LPCAT3: variants seen among roughly 807,000 people sequenced by gnomAD.
LPCAT3 encodes the protein lysophospholipid acyltransferase 5.
A neutral mutation model predicts 63.4 loss-of-function variants in LPCAT3; 21 were observed. The ratio of observed to expected loss-of-function variants is 0.33; its 90% CI spans 0.23 to 0.48. The LOEUF (loss-of-function observed/expected upper bound fraction) is 0.48. LPCAT3 is among the 20% of genes least tolerant of loss of function. The pLI, the probability that LPCAT3 is intolerant of heterozygous loss-of-function variation, is 0.99. For synonymous variants in LPCAT3, 242 were observed against 227.5 expected, an observed-to-expected ratio of 1.06 and a Z score of -0.58; for missense variants, 451 against 590.6, an observed-to-expected ratio of 0.76 and a Z score of 2.45.
At position 6,979,542 on chromosome 12, in the gene LPCAT3, A is replaced by C. The variant is rs1946447748; in HGVS notation, c.715T>G (p.Phe239Val). The C allele has an allele frequency of 6.2e-7, 1 of 1,613,982 alleles. No homozygotes were observed. Among genetic ancestry groups the C allele is most frequent in the South Asian group, 1.1e-5 (1 of 91,086 alleles). The part of the protein sequence containing the change: ...PALKRLSLGL[F>V]YLVGYTLLSP... ...AGCAGTGTGTAGCCCACTAGGTAGA[A>C]AAGGCCCAGACTCAGGCGCTTGAGA... Residue 239 changes from phenylalanine (F) to valine (V), a missense_variant, in exon 7 of 13, where the codon TTC becomes GTC. Transcript: ENST00000261407.
At chr12:6,990,755 A>G (rs1946581432) in intron 1 of LPCAT3, among the ~76,000 whole-genome samples, 2 of 150,778 alleles carry the variant, frequency 1.3e-5, no homozygotes, top group Admixed American at 6.6e-5. Flanking sequence ...AAACCCTACT[A>G]AAAATACAAA....
At chr12:6,981,480 G>C (rs1555154054) in intron 5 of LPCAT3, 115 bp downstream of exon 5, 2 of 1,031,442 alleles carry the variant, frequency 1.9e-6, no homozygotes, top group Non-Finnish European at 3.1e-6. Context: ...GATTGCACAG[G>C]CTGGGGAATG....
intron 1 of LPCAT3, among the ~76,000 whole-genome samples, chr12:6,991,326 G>A (rs1311435969): frequency 6.6e-6 from 1 of 152,198 alleles, no homozygotes; most frequent in Non-Finnish European, 1.5e-5. Flanking sequence ...TTTCTTAACA[G>A]TTAGGAACTT....
At chr12:6,983,016 C>G (rs1555154342) in intron 2 of LPCAT3, 2 of 597,310 alleles carry the variant, frequency 3.3e-6, no homozygotes, top group African/African-American at 1.8e-5. Flanking sequence ...GCGACTTGCT[C>G]TGTTGTCCAG....
At chr12:7,010,713 G>A (rs1946756932) in intron 1 of LPCAT3, among the ~76,000 whole-genome samples, 1 of 152,122 alleles carries the variant, frequency 6.6e-6, no homozygotes. Context: ...TAATCTTGTG[G>A]ACCCTAACTT....
intron 1 of LPCAT3, among the ~76,000 whole-genome samples, chr12:7,000,663 T>G (rs1204705928): frequency 3.3e-5 from 5 of 151,534 alleles, no homozygotes; most frequent in Non-Finnish European, 7.4e-5. Context: ...CTTAAAATAC[T>G]TATGCATGTC....
intron 1 of LPCAT3, among the ~76,000 whole-genome samples, chr12:6,991,809 C>T (rs1214032986): frequency 6.6e-6 from 1 of 152,134 alleles, no homozygotes; most frequent in Non-Finnish European, 1.5e-5. Context: ...GAATAATCGC[C>T]CAAATGCTTT....
At chr12:7,005,581 C>T (rs1029976029) in intron 1 of LPCAT3, among the ~76,000 whole-genome samples, 2 of 152,190 alleles carry the variant, frequency 1.3e-5, no homozygotes, top group Non-Finnish European at 2.9e-5. Context: ...CCAATTTCTC[C>T]GTATCTTCAC....
intron 1 of LPCAT3, among the ~76,000 whole-genome samples, chr12:6,996,609 T>C (rs970393928): frequency 6.6e-6 from 1 of 152,246 alleles, no homozygotes; most frequent in Non-Finnish European, 1.5e-5. Flanking sequence ...AAGTGCTCTG[T>C]ACTCTAGGCA....
chr12:7,014,681 C>T (rs1369039576), intron 1 of LPCAT3, among the ~76,000 whole-genome samples: 2 of 151,820 alleles, frequency 1.3e-5, no homozygotes, highest in Non-Finnish European at 2.9e-5. Context: ...TGGATCACGA[C>T]GTCAGTAGAT....
In LPCAT3 at chr12:6,977,217, G is replaced by A. The variant is rs782491517; in HGVS notation, c.1393C>T (p.Leu465=). The change falls in exon 12 of 13, where the codon CTA becomes TTA. Residue 465 remains leucine (L), a synonymous_variant. Transcript: ENST00000261407. This position sits in a 1 kb window ranked among gnomAD's most constrained non-coding sequence, Gnocchi z 4.5. Reference sequence around the variant, plus strand: ...TGAATATAAGGCAATATGAATAGTAGGCTCAGGAAGAAGATGTGGCCAAGG... The same window carrying A: ...TGAATATAAGGCAATATGAATAGTAAGCTCAGGAAGAAGATGTGGCCAAGG... The part of the protein sequence containing the change: ...YFLGHIFFLS[L]LFILPYIHKA... 7 of 1,614,012 alleles carry A rather than the reference G, an allele frequency of 4.3e-6. No individual in the cohort carries two copies. Among genetic ancestry groups the A allele is most frequent in the Non-Finnish European group, 5.9e-6 (7 of 1,179,890 alleles).
chr12:6,984,106 G>C (rs1946499349), intron 1 of LPCAT3, among the ~76,000 whole-genome samples: 1 of 152,148 alleles, frequency 6.6e-6, no homozygotes, highest in African/African-American at 2.4e-5. Context: ...TTAATATCAG[G>C]CTAAATACTG....
chr12:6,999,132 T>G lies in LPCAT3; in HGVS notation c.152-15593A>C, dbSNP rs140635004. On this transcript the variant is annotated intron_variant, in intron 1 of 12. Coordinates refer to ENST00000261407, the MANE Select transcript of LPCAT3 (RefSeq NM_005768.6). ...GACATAAGCACACCCATTTTTATGT[T>G]TGCTTATCCTCCTATTGAAAAATAT... is the stretch of plus-strand genomic sequence containing the variant. Among the ~76,000 whole-genome samples, 310 of 152,356 alleles carry G rather than the reference T, an allele frequency of 2.0e-3. 1 individual carries two copies. The highest frequency in any genetic ancestry group is 7.2e-3 in the African/African-American group (299 of 41,590).
intron 1 of LPCAT3, among the ~76,000 whole-genome samples, chr12:6,985,995 G>A (rs1477799868): frequency 1.7e-4 from 26 of 151,722 alleles, no homozygotes; most frequent in African/African-American, 6.3e-4. Context: ...GGCTGGTCTC[G>A]AACTCCTGAC....
chr12:7,014,170 T>C (rs192868695), intron 1 of LPCAT3, among the ~76,000 whole-genome samples: 7 of 152,354 alleles, frequency 4.6e-5, no homozygotes, highest in Non-Finnish European at 8.8e-5. Flanking sequence ...TTAAAATTTA[T>C]TGGGGTTATT....
At chr12:6,978,534 T>C (rs782773722) in intron 8 of LPCAT3, 27 bp from the exon 9 acceptor site, 3 of 1,611,998 alleles carry the variant, frequency 1.9e-6, no homozygotes, top group South Asian at 2.2e-5. Context: ...CAGTTAGGGC[T>C]CTTGCCACTC....
In LPCAT3 at chr12:6,987,111, C is replaced by CA. The variant is rs56951656; in HGVS notation, c.152-3573dup. The stretch of plus-strand genomic sequence containing the variant: ...TTGGGCAACGAGCAAGATTCTGTCT[C>CA]AAAAAAAAAAGAAAAAAAAGTTTTA... On this transcript the variant is annotated intron_variant, in intron 1 of 12. Transcript: ENST00000261407. The surrounding 1 kb of genome is among the most constrained non-coding windows in gnomAD (Gnocchi z 4.1). Among the ~76,000 whole-genome samples, 30,487 of 144,972 alleles carry CA rather than the reference C, an allele frequency of 0.21. 5,508 individuals carry two copies. The highest frequency in any genetic ancestry group is 0.5 in the African/African-American group (19,960 of 40,122).
At position 6,977,132 on chromosome 12, in the gene LPCAT3, AC is replaced by A. The variant is rs202115738; in HGVS notation, c.*12+1del. ...AGTTTTAGTTTAGCTGTATTAACTT[AC>A]CAGGGAAATGGATTATTCCATCTTC... On this transcript the variant is annotated splice_donor_variant, in intron 12 of 12. Coordinates refer to ENST00000261407, the MANE Select transcript of LPCAT3 (RefSeq NM_005768.6). LOFTEE classifies it low-confidence loss of function (3UTR_SPLICE). This position sits in a 1 kb window ranked among gnomAD's most constrained non-coding sequence, Gnocchi z 4.5. 7,680 of 1,544,530 alleles carry A rather than the reference AC, an allele frequency of 5.0e-3. 276 individuals carry two copies. The African/African-American group carries it at 0.072, about 14-fold the overall frequency.
intron 1 of LPCAT3, among the ~76,000 whole-genome samples, chr12:6,986,833 G>A (rs1343670530): frequency 6.6e-6 from 1 of 150,442 alleles, no homozygotes; most frequent in Non-Finnish European, 1.5e-5. Context: ...TACACCTGTC[G>A]GCCGGGTGCG....
Sources: gnomAD v4.1 joint callset for allele counts (sites outside exome capture counted in the v4.1 genomes callset) on GRCh38, gnomAD v4.1.1 for gene constraint, Gnocchi (gnomAD v3.1) non-coding constraint, MANE v1.5 for transcripts, NCBI Gene and HGNC (gene_info 2026-07-23, HGNC 2026-07-21) for gene names.